The following FAM110B variants were observed in gnomAD, a reference collection of about 807,000 sequenced individuals.
The protein encoded by FAM110B is protein FAM110B.
A neutral mutation model predicts 20.4 loss-of-function variants in FAM110B; 6 were observed. The observed-to-expected ratio is 0.29, with a 90% CI of 0.16 to 0.58. The LOEUF is 0.58. Ranked by LOEUF, FAM110B falls within the 20% of genes least tolerant of loss-of-function variation. The pLI is 0.90. For synonymous variants in FAM110B, 226 were observed against 214.1 expected (o/e 1.06, Z -0.49); for missense variants, 434 against 498.2 (o/e 0.87, Z 1.23).
chr8:58,042,438 C>G (rs944210591), intron 2 of FAM110B, among the ~76,000 whole-genome samples: 1 of 152,164 alleles, frequency 6.6e-6, no homozygotes, highest in African/African-American at 2.4e-5. Context: ...TTTACACAAC[C>G]TATCTATTCC....
At chr8:58,075,291 G>GTGTGTGTGTGTA (rs1211937168) in intron 2 of FAM110B, among the ~76,000 whole-genome samples, 1 of 150,090 alleles carries the variant, frequency 6.7e-6, no homozygotes, top group African/African-American at 2.5e-5. Context: ...GTGTGTGTGT[G>GTGTGTGTGTGTA]TGTGTTTTGT....
At position 58,121,706 on chromosome 8, in the gene FAM110B, C is replaced by T. The variant is rs192505294; in HGVS notation, c.-324-24201C>T. ...TAATGACCTCCTTTTTGTCTTTCGC[C>T]GTATTTTCTAATATATCTGGAGTTA... On this transcript the variant is annotated intron_variant, in intron 3 of 3. Transcript: ENST00000519262. Among the ~76,000 whole-genome samples the T allele has an allele frequency of 8.1e-4, 123 of 152,200 alleles. 1 individual carries two copies. The highest frequency in any genetic ancestry group is 1.5e-3 in the Non-Finnish European group (99 of 67,994).
At chr8:58,125,375 A>G (rs1291607148) in intron 3 of FAM110B, among the ~76,000 whole-genome samples, 1 of 152,188 alleles carries the variant, frequency 6.6e-6, no homozygotes, top group Non-Finnish European at 1.5e-5. Flanking sequence ...CTTTCAAAGA[A>G]CACTATTAAT....
intron 3 of FAM110B, among the ~76,000 whole-genome samples, chr8:58,129,810 C>CTT (rs1053978428): frequency 6.6e-6 from 1 of 152,182 alleles, no homozygotes; most frequent in Non-Finnish European, 1.5e-5. Flanking sequence ...TCCGCTCTTA[C>CTT]TTTTTTCATC....
chr8:58,024,623 T>C (rs1321476366), intron 1 of FAM110B, among the ~76,000 whole-genome samples: 1 of 152,236 alleles, frequency 6.6e-6, no homozygotes, highest in Non-Finnish European at 1.5e-5. Context: ...AACTCTGCCT[T>C]ACTCAGTGCT....
intron 2 of FAM110B, among the ~76,000 whole-genome samples, chr8:58,044,592 G>A (rs1250134306): frequency 6.6e-6 from 1 of 152,210 alleles, no homozygotes; most frequent in Non-Finnish European, 1.5e-5. Flanking sequence ...TTCTAATTTA[G>A]ATGGACCTTA....
At chr8:58,090,981 T>G (rs947150179) in intron 3 of FAM110B, among the ~76,000 whole-genome samples, 1 of 152,210 alleles carries the variant, frequency 6.6e-6, no homozygotes, top group African/African-American at 2.4e-5. Context: ...TTTTAAGCAT[T>G]TACTTGGATT....
In FAM110B at chr8:57,999,802, C is replaced by T. The variant is rs146624023; in HGVS notation, c.-512+4996C>T. Among the ~76,000 whole-genome samples, 1,184 of 152,062 alleles carry T rather than the reference C, an allele frequency of 7.8e-3. 9 individuals carry two copies. The highest frequency in any genetic ancestry group is 0.017 in the Middle Eastern group (5 of 294). ...AATAAGTGCAGTCGAGAATGGGGGC[C>T]ACTTTTCCATCTGGGCTTGGTGGTC... On this transcript the variant is annotated intron_variant, in intron 1 of 3. Transcript: ENST00000519262.
chr8:58,039,501 A>G (rs900891132), intron 2 of FAM110B, among the ~76,000 whole-genome samples: 3 of 152,162 alleles, frequency 2.0e-5, no homozygotes, highest in African/African-American at 7.2e-5. Flanking sequence ...GTGAGATCCC[A>G]TTGAGTTTAT....
chr8:58,006,981 C>G (rs1045464824), intron 1 of FAM110B, among the ~76,000 whole-genome samples: 2 of 148,014 alleles, frequency 1.4e-5, no homozygotes, highest in South Asian at 4.3e-4. Flanking sequence ...ATTGATGTCC[C>G]TAGTCACTGA....
At chr8:58,027,025 G>A (rs556409254) in intron 1 of FAM110B, among the ~76,000 whole-genome samples, 14 of 152,330 alleles carry the variant, frequency 9.2e-5, no homozygotes, top group Non-Finnish European at 1.5e-5. Flanking sequence ...ACAGGGACAA[G>A]TGGGTAGTCT....
At chr8:58,017,467 G>A (rs1479377771) in intron 1 of FAM110B, among the ~76,000 whole-genome samples, 1 of 152,182 alleles carries the variant, frequency 6.6e-6, no homozygotes, top group Non-Finnish European at 1.5e-5. Context: ...TCTAGGGGAA[G>A]GGCCTCAGGT....
intron 3 of FAM110B, among the ~76,000 whole-genome samples, chr8:58,145,421 T>C (rs1006837263): frequency 6.6e-6 from 1 of 152,044 alleles, no homozygotes; most frequent in African/African-American, 2.4e-5. Context: ...TCCTGAGAAA[T>C]TGGTAGTACA....
intron 3 of FAM110B, among the ~76,000 whole-genome samples, chr8:58,133,213 T>G (rs539523015): frequency 2.0e-4 from 30 of 151,982 alleles, no homozygotes; most frequent in Non-Finnish European, 2.1e-4. Context: ...TTGTTTTTTT[T>G]TTTTTTCTTT....
At chr8:58,058,403 G>C (rs1401872323) in intron 2 of FAM110B, among the ~76,000 whole-genome samples, 1 of 151,884 alleles carries the variant, frequency 6.6e-6, no homozygotes, top group Non-Finnish European at 1.5e-5. Flanking sequence ...CCAGAAAGTG[G>C]CTTTATTACA....
intron 1 of FAM110B, among the ~76,000 whole-genome samples, chr8:58,027,921 T>C (rs564479137): frequency 6.6e-6 from 1 of 152,350 alleles, no homozygotes; most frequent in African/African-American, 2.4e-5. Flanking sequence ...TGCAAATCTT[T>C]GTGTGGAATC....
intron 3 of FAM110B, chr8:58,106,282 C>T (rs993249224): frequency 6.6e-5 from 10 of 152,034 alleles, no homozygotes; most frequent in Admixed American, 5.9e-4. Context: ...CAATCATGCC[C>T]CTTCTTTCCA....
chr8:58,025,218 AT>A (rs1375889274), intron 1 of FAM110B, among the ~76,000 whole-genome samples: 2 of 152,218 alleles, frequency 1.3e-5, no homozygotes, highest in African/African-American at 2.4e-5. Context: ...CACCATGGGC[AT>A]GAAGGGGAGA....
rs1312944475 is a variant in FAM110B, at chr8:58,145,962, G to A, written c.-269G>A. 5.1e-6 allele frequency: 2 copies of A among 390,796 alleles called. No homozygotes were observed. The highest frequency in any genetic ancestry group is 9.3e-6 in the Non-Finnish European group (2 of 215,894). The allele number at this position is 390,796 out of a possible 1,614,324, so 24.2% of individuals were successfully genotyped here. ...AGGAGACTCCCACCTCCTTCAGGGA[G>A]AAGAAAGGAGGCAGCGAAGCAGATT... On this transcript the variant is annotated 5_prime_UTR_variant, in exon 4 of 4. Coordinates refer to ENST00000519262, the MANE Select transcript of FAM110B (RefSeq NM_001377989.1).
Sources: allele counts gnomAD v4.1 joint callset (sites outside exome capture counted in the v4.1 genomes callset), GRCh38; gene constraint gnomAD v4.1.1; transcripts MANE v1.5; gene names NCBI Gene and HGNC (gene_info 2026-07-23, HGNC 2026-07-21).